PDGFD: variants seen among roughly 807,000 people sequenced by gnomAD.
PDGFD encodes the protein platelet derived growth factor D.
PDGFD carries 30 observed loss-of-function variants against 44.7 expected under a neutral mutation model. That is an observed-to-expected ratio of 0.67 (90% CI 0.50 to 0.91). The LOEUF (loss-of-function observed/expected upper bound fraction) is 0.91, where lower values mean the gene tolerates loss of function less well. Ranked by LOEUF, PDGFD falls within the 40% of genes least tolerant of loss-of-function variation. PDGFD has a pLI of 0.00. For synonymous variants in PDGFD, 173 were observed against 168.4 expected, an observed-to-expected ratio of 1.03 and a Z score of -0.21; for missense variants, 445 against 457.8, an observed-to-expected ratio of 0.97 and a Z score of 0.25.
intron 1 of PDGFD, among the ~76,000 whole-genome samples, chr11:104,069,847 G>A (rs771998606): frequency 1.4e-4 from 21 of 152,132 alleles, no homozygotes; most frequent in Non-Finnish European, 2.1e-4. Flanking sequence ...GTGACAGAGC[G>A]AGACTCCGTC....
intron 1 of PDGFD, among the ~76,000 whole-genome samples, chr11:104,054,067 C>T (rs992979727): frequency 2.0e-5 from 3 of 152,164 alleles, no homozygotes; most frequent in Non-Finnish European, 4.4e-5. Context: ...CAGCACAACA[C>T]CATGAGGCAC....
intron 5 of PDGFD, among the ~76,000 whole-genome samples, chr11:103,936,309 T>C (rs1299258908): frequency 6.6e-6 from 1 of 152,210 alleles, no homozygotes; most frequent in Admixed American, 6.6e-5. Context: ...AAGTATCAAA[T>C]AGGCAGACAG....
chr11:104,124,798 A>G (rs539405984), intron 1 of PDGFD, among the ~76,000 whole-genome samples: 2 of 152,254 alleles, frequency 1.3e-5, no homozygotes, highest in African/African-American at 4.8e-5. Context: ...CCCTGTTCAC[A>G]GAAATTATTA....
At chr11:103,929,680 C>T (rs756932167) in intron 5 of PDGFD, among the ~76,000 whole-genome samples, 4 of 152,166 alleles carry the variant, frequency 2.6e-5, no homozygotes, top group African/African-American at 4.8e-5. Flanking sequence ...TTGAAATCAC[C>T]GAGGCACTCA....
chr11:104,020,954 T>TA (rs1454024006), intron 1 of PDGFD, among the ~76,000 whole-genome samples: 2 of 151,936 alleles, frequency 1.3e-5, no homozygotes, highest in Admixed American at 6.6e-5. Flanking sequence ...CTGTCTGCTG[T>TA]ATGAAGAATA....
chr11:104,159,649 G>GTTAT (rs1357470632), intron 1 of PDGFD, among the ~76,000 whole-genome samples: 1 of 152,118 alleles, frequency 6.6e-6, no homozygotes. Flanking sequence ...TATATTACTA[G>GTTAT]TAATAATAAC....
In PDGFD at chr11:104,128,193, A is replaced by G. The variant is rs537568789; in HGVS notation, c.124+35611T>C. On this transcript the variant is annotated intron_variant, in intron 1 of 6. Coordinates refer to ENST00000393158, the MANE Select transcript of PDGFD (RefSeq NM_025208.5). ...ACCTGAGAAGGAGAGACGAGTATAA[A>G]GGGACATTACCTGTGCCCATTGAAA... 2.4e-4 allele frequency among the ~76,000 whole-genome samples: 37 copies of G among 151,882 alleles called. No individual in the cohort carries two copies. In the Middle Eastern group the frequency reaches 0.01, roughly 42 times the overall value.
Position 103,943,476 on chromosome 11 carries a change from A to G in PDGFD, c.748T>C (p.Ser250Pro), listed in dbSNP as rs766907443. ...CCTTTTGACTTCCGGTCATGGTATG[A>G]CCTGCCTCGATACCGAGGGGTGTCC... The part of the protein sequence containing the change: ...YLDTPRYRGR[S>P]YHDRKSKVDL... Residue 250 changes from serine to proline, a missense_variant, in exon 5 of 7, where the codon TCA becomes CCA. By Grantham distance (74) the Ser-to-Pro change is moderately conservative (BLOSUM62 -1). Coordinates refer to ENST00000393158, the MANE Select transcript of PDGFD (RefSeq NM_025208.5). 29 of 1,612,480 alleles carry G rather than the reference A, an allele frequency of 1.8e-5. No homozygotes were observed. The East Asian group carries it at 6.2e-4, about 35-fold the overall frequency.
intron 1 of PDGFD, among the ~76,000 whole-genome samples, chr11:104,119,234 TAA>T: frequency 4.0e-5 from 1 of 24,874 alleles, no homozygotes; most frequent in African/African-American, 1.1e-4. Flanking sequence ...ATATAATATA[TAA>T]TATATTAATA....
chr11:104,144,457 G>A (rs1163332490), intron 1 of PDGFD, among the ~76,000 whole-genome samples: 2 of 138,614 alleles, frequency 1.4e-5, no homozygotes, highest in Non-Finnish European at 3.0e-5. Flanking sequence ...AGTGAGCTGA[G>A]ATTGCGCCAC....
chr11:103,937,930 C>T (rs1858518390), intron 5 of PDGFD, among the ~76,000 whole-genome samples: 1 of 151,754 alleles, frequency 6.6e-6, no homozygotes, highest in Admixed American at 6.6e-5. Context: ...ATATGTGCCA[C>T]ATTTTCTTAA....
rs780198804 is a variant in PDGFD, at chr11:103,926,998, G to A, written c.901C>T (p.Arg301Cys). Residue 301 changes from arginine (R) to cysteine (C), a missense_variant, in exon 6 of 7, where the codon CGC becomes TGC. By Grantham distance (180) the Arg-to-Cys change is radical. Coordinates refer to ENST00000393158, the MANE Select transcript of PDGFD (RefSeq NM_025208.5). The stretch of plus-strand genomic sequence containing the variant: ...CCACAGCCACAATTTCCTCCACAGC[G>A]CTGCACGAGGAGGCAACGTGGAAAG... ...VFFPRCLLVQ[R>C]CGGNCGCGTV... is the part of the protein sequence containing the mutation. The A allele has an allele frequency of 6.8e-6, 11 of 1,614,134 alleles. No homozygotes were observed. The highest frequency in any genetic ancestry group is 8.5e-6 in the Non-Finnish European group (10 of 1,180,004).
chr11:104,079,346 A>T (rs1206742242), intron 1 of PDGFD, among the ~76,000 whole-genome samples: 1 of 152,104 alleles, frequency 6.6e-6, no homozygotes, highest in Admixed American at 6.6e-5. Flanking sequence ...TTTAACACAT[A>T]TGCTAATTCT....
At chr11:104,076,023 A>G (rs1470677439) in intron 1 of PDGFD, among the ~76,000 whole-genome samples, 2 of 152,216 alleles carry the variant, frequency 1.3e-5, no homozygotes, top group Non-Finnish European at 2.9e-5. Flanking sequence ...AGGTGGAGGT[A>G]ACAGAATCAT....
At chr11:104,103,519 T>C (rs888498670) in intron 1 of PDGFD, among the ~76,000 whole-genome samples, 6 of 148,716 alleles carry the variant, frequency 4.0e-5, no homozygotes, top group African/African-American at 7.4e-5. Context: ...TATCTAAATA[T>C]ATATGGAAGG....
At chr11:104,048,389 ACT>A (rs1860476042) in intron 1 of PDGFD, among the ~76,000 whole-genome samples, 1 of 151,342 alleles carries the variant, frequency 6.6e-6, no homozygotes, top group African/African-American at 2.4e-5. Flanking sequence ...TTATTTTTCT[ACT>A]CTCTTCTTTC....
rs610727 is a variant in PDGFD at position 104,104,356 on chromosome 11, T to C, written c.124+59448A>G. Among the ~76,000 whole-genome samples, 748 of 152,204 alleles carry C rather than the reference T, an allele frequency of 4.9e-3. 7 individuals carry two copies. Among genetic ancestry groups the C allele is most frequent in the Non-Finnish European group, 8.0e-3 (543 of 68,006 alleles). Reference sequence around the variant, plus strand: ...GTGTACAGTGTTTATAAAGTCTATATAGTGTACAGTAATGTTCTAGACCTT... The same window carrying C: ...GTGTACAGTGTTTATAAAGTCTATACAGTGTACAGTAATGTTCTAGACCTT... On this transcript the variant is annotated intron_variant, in intron 1 of 6. Coordinates refer to ENST00000393158, the MANE Select transcript of PDGFD (RefSeq NM_025208.5).
intron 1 of PDGFD, among the ~76,000 whole-genome samples, chr11:104,140,516 T>C (rs1862070155): frequency 6.6e-6 from 1 of 152,132 alleles, no homozygotes; most frequent in Non-Finnish European, 1.5e-5. Flanking sequence ...ACAGGAATGT[T>C]CTTTTTTTCT....
chr11:104,032,681 G>T (rs1300596924), intron 1 of PDGFD, among the ~76,000 whole-genome samples: 2 of 149,390 alleles, frequency 1.3e-5, no homozygotes, highest in Non-Finnish European at 3.0e-5. Context: ...TTTTTAGAAA[G>T]AGGCAAATTA....
Sources: allele counts gnomAD v4.1 joint callset (sites outside exome capture counted in the v4.1 genomes callset), GRCh38; gene constraint gnomAD v4.1.1; transcripts MANE v1.5; gene names NCBI Gene and HGNC (gene_info 2026-07-23, HGNC 2026-07-21).